MCU: variants seen among roughly 807,000 people sequenced by gnomAD.
The protein encoded by MCU is mitochondrial calcium uniporter.
A neutral mutation model predicts 45.2 loss-of-function variants in MCU; 12 were observed. That is an observed-to-expected ratio of 0.27 (90% CI 0.17 to 0.43). The LOEUF is 0.43. MCU is among the 20% of genes least tolerant of loss of function. MCU has a pLI of 1.00. For synonymous variants in MCU, 160 were observed against 165.1 expected, an observed-to-expected ratio of 0.97 and a Z score of 0.24; for missense variants, 324 against 436.7, an observed-to-expected ratio of 0.74 and a Z score of 2.30.
At position 72,859,243 on chromosome 10, in the gene MCU, G is replaced by A. The variant is rs778394330; in HGVS notation, c.287G>A (p.Arg96His). 1.4e-5 allele frequency: 23 copies of A among 1,612,602 alleles called. No homozygotes were observed. Among genetic ancestry groups the A allele is most frequent in the East Asian group, 2.2e-5 (1 of 44,780 alleles). The change falls in exon 3 of 8, where the codon CGC (arginine) becomes CAC (histidine). Residue 96 changes from arginine (R) to histidine (H), a missense_variant. By Grantham distance (29) the Arg-to-His change is conservative. Coordinates refer to ENST00000373053, the MANE Select transcript of MCU (RefSeq NM_138357.3). Reference protein sequence around the residue: ...ISVRLPSRRERCQFTLKPISD... With the variant: ...ISVRLPSRREHCQFTLKPISD... The stretch of plus-strand genomic sequence containing the variant: ...GTGAGGCTACCATCCCGGCGTGAAC[G>A]CTGTCAGTTCACACTCAAGCCTATC...
chr10:72,862,640 G>A (rs1312832721), intron 4 of MCU, among the ~76,000 whole-genome samples: 2 of 152,198 alleles, frequency 1.3e-5, no homozygotes, highest in Non-Finnish European at 2.9e-5. Context: ...AGGCAGTAAT[G>A]CTCACTCACT....
chr10:72,761,861 A>G (rs1346172349), intron 1 of MCU, among the ~76,000 whole-genome samples: 1 of 152,148 alleles, frequency 6.6e-6, no homozygotes, highest in Non-Finnish European at 1.5e-5. Flanking sequence ...CTGAGTCTCC[A>G]AAGTCCATTA....
At chr10:72,735,208 A>G (rs1195029433) in intron 1 of MCU, among the ~76,000 whole-genome samples, 1 of 151,858 alleles carries the variant, frequency 6.6e-6, no homozygotes, top group Non-Finnish European at 1.5e-5. Context: ...TTGCAAACCC[A>G]TATATGACCT....
chr10:72,859,452 C>T (rs1845343656), intron 3 of MCU, 105 bp downstream of exon 3: 10 of 1,103,866 alleles, frequency 9.1e-6, no homozygotes, highest in Non-Finnish European at 1.3e-5. Context: ...GAACCCTATA[C>T]TGTTAACTTC....
chr10:72,880,484 G>T (rs927123329), intron 6 of MCU, among the ~76,000 whole-genome samples: 5 of 151,932 alleles, frequency 3.3e-5, no homozygotes, highest in African/African-American at 7.2e-5. Context: ...AAAGCGGGGG[G>T]GGGGAAACCC....
chr10:72,859,160 G>C lies in MCU; in HGVS notation c.221-17G>C, dbSNP rs747225510. Reference sequence around the variant, plus strand: ...TGAAATCCAATTATCATATGTTTGTGGGTCTTTTTCATTCAGATGTTACAG... The same window carrying C: ...TGAAATCCAATTATCATATGTTTGTCGGTCTTTTTCATTCAGATGTTACAG... On this transcript the variant is annotated splice_polypyrimidine_tract_variant and intron_variant, in intron 2 of 7. Transcript: ENST00000373053. 2.6e-6 allele frequency: 4 copies of C among 1,554,288 alleles called. No individual in the cohort carries two copies. The highest frequency in any genetic ancestry group is 3.5e-6 in the Non-Finnish European group (4 of 1,149,234).
intron 6 of MCU, among the ~76,000 whole-genome samples, chr10:72,872,923 T>G (rs1326971249): frequency 6.6e-6 from 1 of 152,076 alleles, no homozygotes; most frequent in Non-Finnish European, 1.5e-5. Context: ...ATATTCTTTT[T>G]CTTTTTTATT....
intron 1 of MCU, among the ~76,000 whole-genome samples, chr10:72,795,777 A>T (rs923418209): frequency 6.6e-6 from 1 of 152,162 alleles, no homozygotes; most frequent in Admixed American, 6.6e-5. Flanking sequence ...AGGCAGGTGG[A>T]TCACGAGTTC....
chr10:72,749,750 G>A (rs984333108), intron 1 of MCU, among the ~76,000 whole-genome samples: 3 of 152,068 alleles, frequency 2.0e-5, no homozygotes, highest in African/African-American at 7.2e-5. Context: ...GTTAAAGGGT[G>A]CTGTTGTAGC....
At chr10:72,796,354 G>A (rs958171276) in intron 1 of MCU, among the ~76,000 whole-genome samples, 8 of 152,086 alleles carry the variant, frequency 5.3e-5, no homozygotes, top group African/African-American at 1.4e-4. Context: ...CCAGGAATTC[G>A]AGGCTGCAGT....
At chr10:72,756,158 TG>T (rs1843573635) in intron 1 of MCU, among the ~76,000 whole-genome samples, 1 of 152,110 alleles carries the variant, frequency 6.6e-6, no homozygotes, top group Admixed American at 6.6e-5. Context: ...GCTAATTTTT[TG>T]TGTTTTTATT....
At position 72,886,018 on chromosome 10, in the gene MCU, A is replaced by G. The variant is rs566585452; in HGVS notation, c.*196A>G. The G allele has an allele frequency of 1.1e-5, 6 of 545,182 alleles. No homozygotes were observed. The highest frequency in any genetic ancestry group is 9.3e-5 in the East Asian group (3 of 32,432). 33.8% of individuals were successfully genotyped at this position (545,182 alleles called of 1,614,324 possible). A position where few individuals can be genotyped will look rare whatever the true frequency, so the allele number is the denominator to read the frequency against. Reference sequence around the variant, plus strand: ...TCAGGCATTGTGGAATATAAGCTCAAAGGGCTTAGTGAATATTGTCTTAAC... The same window carrying G: ...TCAGGCATTGTGGAATATAAGCTCAGAGGGCTTAGTGAATATTGTCTTAAC... On this transcript the variant is annotated 3_prime_UTR_variant, in exon 8 of 8. Coordinates refer to ENST00000373053, the MANE Select transcript of MCU (RefSeq NM_138357.3).
intron 1 of MCU, among the ~76,000 whole-genome samples, chr10:72,769,925 T>C (rs1393403993): frequency 6.6e-6 from 1 of 152,232 alleles, no homozygotes; most frequent in Non-Finnish European, 1.5e-5. Context: ...AAAATATAGG[T>C]ATTTACAACT....
At chr10:72,816,034 T>C (rs1217768741) in intron 1 of MCU, among the ~76,000 whole-genome samples, 8 of 151,982 alleles carry the variant, frequency 5.3e-5, no homozygotes, top group Non-Finnish European at 1.2e-4. Flanking sequence ...CAAAAATATA[T>C]GGTGGCGGGT....
chr10:72,781,547 C>A (rs1449773235), intron 1 of MCU, among the ~76,000 whole-genome samples: 2 of 152,160 alleles, frequency 1.3e-5, no homozygotes, highest in Admixed American at 1.3e-4. Flanking sequence ...TTAAAACAAG[C>A]CTTTCGGAGT....
intron 1 of MCU, chr10:72,692,639 C>T: frequency 1.7e-6 from 2 of 1,143,724 alleles, no homozygotes; most frequent in South Asian, 6.8e-5. Flanking sequence ...AACAGCCCTG[C>T]CCCAAGGCTC....
chr10:72,821,652 A>G (rs1589479733), intron 1 of MCU, among the ~76,000 whole-genome samples: 1 of 152,168 alleles, frequency 6.6e-6, no homozygotes, highest in East Asian at 1.9e-4. Flanking sequence ...ATTTCTTGAA[A>G]ATCTTAACTT....
At chr10:72,845,924 C>T (rs923234935) in intron 2 of MCU, among the ~76,000 whole-genome samples, 4 of 152,140 alleles carry the variant, frequency 2.6e-5, no homozygotes, top group Admixed American at 1.3e-4. Flanking sequence ...TTTGTATACA[C>T]CATGATCCTT....
chr10:72,883,359 TTGTA>T (rs1385674730), intron 6 of MCU, among the ~76,000 whole-genome samples: 2 of 152,312 alleles, frequency 1.3e-5, no homozygotes, highest in Admixed American at 6.5e-5. Flanking sequence ...TTTGAGTAAA[TTGTA>T]TGGTATGTGA....
Sources: allele counts gnomAD v4.1 joint callset (sites outside exome capture counted in the v4.1 genomes callset), GRCh38; gene constraint gnomAD v4.1.1; transcripts MANE v1.5; gene names NCBI Gene and HGNC (gene_info 2026-07-23, HGNC 2026-07-21).